Variants in ZNF688 observed in about 807,000 individuals in gnomAD.
ZNF688 encodes zinc finger protein 688.
Under a neutral mutation model 13.2 loss-of-function variants are expected in ZNF688, and 10 were observed. The ratio of observed to expected loss-of-function variants is 0.76; its 90% confidence interval spans 0.47 to 1.28. The LOEUF (loss-of-function observed/expected upper bound fraction) is 1.28, where lower values mean the gene tolerates loss of function less well. ZNF688 is among the 50% of genes most tolerant of loss of function. The pLI is 0.00. For synonymous variants in ZNF688, 160 were observed against 159.4 expected, an observed-to-expected ratio of 1.00 and a Z score of -0.03; for missense variants, 381 against 391.4, an observed-to-expected ratio of 0.97 and a Z score of 0.22.
upstream of ZNF688, chr16:30,572,132 C>T (rs2051696678): frequency 5.6e-6 from 9 of 1,599,988 alleles, no homozygotes; most frequent in Non-Finnish European, 7.7e-6. Flanking sequence ...CCCTCTGTAC[C>T]CGCAATACGC....
chr16:30,574,178 C>A (rs1237219061), upstream of ZNF688, among the ~76,000 whole-genome samples: 1 of 151,932 alleles, frequency 6.6e-6, no homozygotes, highest in African/African-American at 2.4e-5. Flanking sequence ...ACCCAGGAAG[C>A]AGAGGTTGCA....
upstream of ZNF688, chr16:30,573,597 C>T (rs1448811683): frequency 6.2e-6 from 1 of 161,546 alleles, no homozygotes; most frequent in Non-Finnish European, 1.3e-5. Flanking sequence ...GTCATTCTGG[C>T]TCTGGATCTA....
upstream of ZNF688, among the ~76,000 whole-genome samples, chr16:30,574,982 G>A (rs1325927264): frequency 6.6e-6 from 1 of 152,050 alleles, no homozygotes; most frequent in Non-Finnish European, 1.5e-5. Flanking sequence ...TCTGTGTCTG[G>A]CTTATTCACT....
At chr16:30,571,855 C>A, upstream of ZNF688, 14 of 1,285,310 alleles carry the variant, frequency 1.1e-5, 1 homozygote, top group Non-Finnish European at 1.2e-5. Context: ...GCCGCTTGGA[C>A]ATAGACACCC....
chr16:30,577,058 G>A (rs2051753950), upstream of ZNF688, among the ~76,000 whole-genome samples: 1 of 151,812 alleles, frequency 6.6e-6, no homozygotes, highest in African/African-American at 2.4e-5. Context: ...GGACCACCAT[G>A]CCCAGCCTAT....
At chr16:30,572,314 C>T (rs753588426), upstream of ZNF688, 4 of 1,408,676 alleles carry the variant, frequency 2.8e-6, no homozygotes, top group African/African-American at 5.9e-5. Flanking sequence ...GGTCTCTTAC[C>T]GTGCCTCCCG....
upstream of ZNF688, among the ~76,000 whole-genome samples, chr16:30,574,731 C>G (rs1440587172): frequency 6.6e-6 from 1 of 152,132 alleles, no homozygotes; most frequent in African/African-American, 2.4e-5. Context: ...TTCAAGTCCT[C>G]TCTTCTAGCT....
In ZNF688 at chr16:30,569,952, GA is replaced by G; in HGVS notation, c.794del (p.Phe265SerfsTer72). ...CCTCGAAGATGTCTGGGTAGTGCCG[GA>G]AGAGCACAGGCGGGTCCCGGTCACC... Reference protein sequence around the residue: ...VRGDRDPPVLFRHYPDIFEEC... With the variant: ...VRGDRDPPVLXRHYPDIFEEC... On this transcript the variant is annotated frameshift_variant, in exon 3 of 3. Transcript: ENST00000223459. LOFTEE classifies it high-confidence loss of function. The G allele has an allele frequency of 6.3e-7, 1 of 1,584,762 alleles. No homozygotes were observed. The highest frequency in any genetic ancestry group is 8.6e-7 in the Non-Finnish European group (1 of 1,166,688).
chr16:30,576,239 T>G (rs2051745866), upstream of ZNF688, among the ~76,000 whole-genome samples: 1 of 152,046 alleles, frequency 6.6e-6, no homozygotes, highest in Non-Finnish European at 1.5e-5. Context: ...TGAGATGGAG[T>G]CTCGCTCTGT....
rs374044542 is a variant in ZNF688 at position 30,571,113 on chromosome 16, G to T, written c.207C>A (p.Gly69=). 6.3e-7 allele frequency: 1 copy of T among 1,578,292 alleles called. No homozygotes were observed. The highest frequency in any genetic ancestry group is 8.6e-7 in the Non-Finnish European group (1 of 1,162,668). Reference sequence around the variant, plus strand: ...TCCAAGAGATGAGGGCTGGTTTGGGGCCTGGGAATCCTGGGAGAGAACAGG... The same window carrying T: ...TCCAAGAGATGAGGGCTGGTTTGGGTCCTGGGAATCCTGGGAGAGAACAGG... The part of the protein sequence containing the change: ...YGHLGALGFP[G]PKPALISWME... The change falls in exon 2 of 3, where the codon GGC becomes GGA. Residue 69 remains glycine (G), a synonymous_variant. Coordinates refer to ENST00000223459, the MANE Select transcript of ZNF688 (RefSeq NM_145271.4).
At chr16:30,570,985 G>C (rs1004198357) in intron 2 of ZNF688, 25 bp downstream of exon 2, 24 of 1,611,846 alleles carry the variant, frequency 1.5e-5, no homozygotes, top group Non-Finnish European at 2.0e-5. Flanking sequence ...AAAACCAAGT[G>C]GGGGGACCCG....
upstream of ZNF688, among the ~76,000 whole-genome samples, chr16:30,576,134 C>T (rs1303592557): frequency 1.3e-5 from 2 of 150,928 alleles, no homozygotes; most frequent in Non-Finnish European, 3.0e-5. Flanking sequence ...TGCAACCTCC[C>T]CCTCCTGGGT....
upstream of ZNF688, among the ~76,000 whole-genome samples, chr16:30,576,901 T>G (rs2151233900): frequency 6.6e-6 from 1 of 151,888 alleles, no homozygotes; most frequent in East Asian, 1.9e-4. Context: ...TTCAAGTCGT[T>G]GGAACTAGAA....
chr16:30,571,940 G>C, upstream of ZNF688: 1 of 1,288,206 alleles, frequency 7.8e-7, no homozygotes, highest in East Asian at 3.1e-5. Flanking sequence ...GCTCTTAAGG[G>C]CGCCATTATT....
At chr16:30,571,796 G>C, upstream of ZNF688, 1 of 1,319,632 alleles carries the variant, frequency 7.6e-7, no homozygotes, top group Non-Finnish European at 9.6e-7. Flanking sequence ...AGGGATTCGA[G>C]GATTCTGATA....
chr16:30,572,630 A>G, upstream of ZNF688: 1 of 178,452 alleles, frequency 5.6e-6, no homozygotes, highest in Non-Finnish European at 1.2e-5. Context: ...GTGGCCCAGC[A>G]GTGCGATCCT....
chr16:30,576,698 G>C (rs1164472564), upstream of ZNF688, among the ~76,000 whole-genome samples: 3 of 152,170 alleles, frequency 2.0e-5, no homozygotes, highest in South Asian at 6.2e-4. Context: ...GTGGTGTTGA[G>C]CATTTTTTCA....
At position 30,570,009 on chromosome 16, in the gene ZNF688, C is replaced by T. The variant is rs1179080399; in HGVS notation, c.738G>A (p.Gly246=). ...CGGGGGCCCGAGGCACAGCCCGGAT[C>T]CCAGGCCTCCGGCCCCGCCGCCCCC... ...CSGGRRGRRP[G]IRAVPRAPVR... Residue 246 remains glycine, a synonymous_variant, in exon 3 of 3, where the codon GGG becomes GGA. Transcript: ENST00000223459. 1 of 1,610,982 alleles carries T rather than the reference C, an allele frequency of 6.2e-7. No homozygotes were observed. The highest frequency in any genetic ancestry group is 1.1e-5 in the South Asian group (1 of 90,930).
chr16:30,571,126 G>A lies in ZNF688; in HGVS notation c.197-3C>T. On this transcript the variant is annotated splice_region_variant and splice_polypyrimidine_tract_variant and intron_variant, in intron 1 of 2. Coordinates refer to ENST00000223459, the MANE Select transcript of ZNF688 (RefSeq NM_145271.4). ...GGCTGGTTTGGGGCCTGGGAATCCT[G>A]GGAGAGAACAGGGATCACAGCGCGG... The A allele has an allele frequency of 2.5e-6, 4 of 1,573,608 alleles. No individual in the cohort carries two copies. The highest frequency in any genetic ancestry group is 2.6e-6 in the Non-Finnish European group (3 of 1,160,180).
Sources: gnomAD v4.1 joint callset for allele counts (sites outside exome capture counted in the v4.1 genomes callset) on GRCh38, gnomAD v4.1.1 for gene constraint, MANE v1.5 for transcripts, NCBI Gene and HGNC (gene_info 2026-07-23, HGNC 2026-07-21) for gene names.